The following LRRIQ1 variants were observed in gnomAD, a reference collection of about 807,000 sequenced individuals.
LRRIQ1 encodes the protein leucine-rich repeat- and IQ domain-containing protein 1.
Under a neutral mutation model 211.9 loss-of-function variants are expected in LRRIQ1, and 210 were observed. The observed-to-expected ratio is 0.99, with a 90% CI of 0.89 to 1.11. The LOEUF (loss-of-function observed/expected upper bound fraction) is 1.11, where lower values mean the gene tolerates loss of function less well. LRRIQ1 is among the 50% of genes most tolerant of loss of function. The probability of loss-of-function intolerance (pLI) is 0.00; values close to 1 mark genes in which losing one functional copy is unlikely to be tolerated. For missense variants in LRRIQ1, 2,136 were observed against 1,939.5 expected (o/e 1.10, Z -1.90); for synonymous variants, 699 against 650.1 (o/e 1.08, Z -1.14).
chr12:85,042,709 A>C (rs1592684962), intron 3 of LRRIQ1, among the ~76,000 whole-genome samples: 2 of 151,844 alleles, frequency 1.3e-5, no homozygotes, highest in East Asian at 3.9e-4. Flanking sequence ...CAAATTATCA[A>C]AATTATTTGA....
chr12:85,179,724 T>C (rs974385951), intron 24 of LRRIQ1, among the ~76,000 whole-genome samples: 2 of 151,972 alleles, frequency 1.3e-5, no homozygotes, highest in African/African-American at 2.4e-5. Context: ...TCATCACCTT[T>C]CCATCCGACA....
Position 85,198,123 on chromosome 12 carries a change from A to T in LRRIQ1, c.4823-31394A>T, listed in dbSNP as rs1473013773. On this transcript the variant is annotated intron_variant, in intron 24 of 26. Transcript: ENST00000393217. The stretch of plus-strand genomic sequence containing the variant: ...TTATATTATTTATATATAATATATA[A>T]TATATATTATATATAATATATTATA... Among the ~76,000 whole-genome samples the T allele has an allele frequency of 3.3e-5, 4 of 120,044 alleles. No homozygotes were observed. The Admixed American group carries it at 4.5e-4, about 14-fold the overall frequency. 78.8% of individuals were successfully genotyped at this position (120,044 alleles called of 152,430 possible).
At chr12:85,190,222 A>G (rs1016943140) in intron 24 of LRRIQ1, among the ~76,000 whole-genome samples, 3 of 144,602 alleles carry the variant, frequency 2.1e-5, no homozygotes, top group Non-Finnish European at 4.5e-5. Context: ...TTATAATTTT[A>G]TAATGATATA....
In LRRIQ1 at chr12:85,192,838, T is replaced by G. The variant is rs571446640; in HGVS notation, c.4822+32124T>G. ...TATAAATATATATAGTTATATACTA[T>G]AATTATATATAAATATATATAGTTA... On this transcript the variant is annotated intron_variant, in intron 24 of 26. Transcript: ENST00000393217. Among the ~76,000 whole-genome samples the G allele has an allele frequency of 1.6e-3, 163 of 103,170 alleles. 1 individual carries two copies. Among genetic ancestry groups the G allele is most frequent in the African/African-American group, 6.0e-3 (148 of 24,824 alleles). 67.7% of individuals were successfully genotyped at this position (103,170 alleles called of 152,430 possible). A position where few individuals can be genotyped will look rare whatever the true frequency, so the allele number is the denominator to read the frequency against.
chr12:85,054,787 T>C (rs1218091788), intron 7 of LRRIQ1, among the ~76,000 whole-genome samples: 3 of 151,992 alleles, frequency 2.0e-5, no homozygotes, highest in Non-Finnish European at 4.4e-5. Context: ...TTTATTTAAA[T>C]TTTTATCTAG....
intron 11 of LRRIQ1, among the ~76,000 whole-genome samples, chr12:85,086,935 C>CATTATTATT (rs202087547): frequency 0.053 from 7,885 of 149,152 alleles, 674 homozygotes; most frequent in African/African-American, 0.18. Flanking sequence ...GATTGTTCTT[C>CATTATTATT]ATTATTATTA....
intron 15 of LRRIQ1, among the ~76,000 whole-genome samples, chr12:85,118,744 A>G (rs182110994): frequency 1.3e-5 from 2 of 152,262 alleles, no homozygotes; most frequent in Admixed American, 6.5e-5. Context: ...AGACTATACA[A>G]TCTAGGTAGA....
At chr12:85,248,933 C>T (rs1250551671), downstream of LRRIQ1, among the ~76,000 whole-genome samples, 1 of 151,532 alleles carries the variant, frequency 6.6e-6, no homozygotes, top group Non-Finnish European at 1.5e-5. Flanking sequence ...AAAGAAGAAG[C>T]CCAGTTTTAA....
At position 85,055,458 on chromosome 12, in the gene LRRIQ1, A is replaced by T. The variant is rs941764681; in HGVS notation, c.754-89A>T. The T allele has an allele frequency of 4.7e-6, 5 of 1,062,512 alleles. No homozygotes were observed. The African/African-American group carries it at 8.3e-5, about 18-fold the overall frequency. The allele number at this position is 1,062,512 out of a possible 1,614,324, so 65.8% of individuals were successfully genotyped here. ...ACTTTATTAAGACTTCAGTTTTAGT[A>T]TTTGTTTTCAATCTACATTTCAGAT... On this transcript the variant is annotated intron_variant, in intron 7 of 26. Transcript: ENST00000393217.
At chr12:85,123,265 A>G (rs1361591326) in intron 16 of LRRIQ1, among the ~76,000 whole-genome samples, 1 of 152,050 alleles carries the variant, frequency 6.6e-6, no homozygotes, top group African/African-American at 2.4e-5. Context: ...GATGTGATTA[A>G]CATTTTATTT....
chr12:85,164,817 A>G (rs1380244564), intron 24 of LRRIQ1, among the ~76,000 whole-genome samples: 1 of 152,180 alleles, frequency 6.6e-6, no homozygotes, highest in African/African-American at 2.4e-5. Context: ...AACAAAATAC[A>G]AATGTTAGAG....
At chr12:85,206,563 A>T (rs940840291) in intron 24 of LRRIQ1, among the ~76,000 whole-genome samples, 5 of 152,074 alleles carry the variant, frequency 3.3e-5, no homozygotes, top group African/African-American at 1.2e-4. Flanking sequence ...CCACATGTTA[A>T]CCAGCAAAGC....
chr12:85,167,332 A>G (rs1329033545), intron 24 of LRRIQ1, among the ~76,000 whole-genome samples: 1 of 152,200 alleles, frequency 6.6e-6, no homozygotes, highest in Non-Finnish European at 1.5e-5. Flanking sequence ...TAACACGATC[A>G]CAGAGTGAAG....
At chr12:85,207,430 T>C (rs1893615134) in intron 24 of LRRIQ1, among the ~76,000 whole-genome samples, 1 of 152,244 alleles carries the variant, frequency 6.6e-6, no homozygotes, top group South Asian at 2.1e-4. Context: ...ATAACAGTCC[T>C]TTATCAGCTG....
intron 24 of LRRIQ1, among the ~76,000 whole-genome samples, chr12:85,196,226 A>T (rs1259215614): frequency 2.0e-5 from 3 of 152,120 alleles, no homozygotes. Context: ...AGGAAGAATC[A>T]ATATCGTGAA....
At position 85,099,115 on chromosome 12, in the gene LRRIQ1, A is replaced by G; in HGVS notation, c.3209+121A>G. 5.7e-6 allele frequency: 3 copies of G among 523,826 alleles called. No homozygotes were observed. The African/African-American group carries it at 5.9e-5, about 10-fold the overall frequency. The allele number at this position is 523,826 out of a possible 1,614,324, so 32.4% of individuals were successfully genotyped here. On this transcript the variant is annotated intron_variant, in intron 13 of 26. Transcript: ENST00000393217. Reference sequence around the variant, plus strand: ...ATTCAATGAGATTGCATCAAAATAAATTAGTATATAAATTATAAAAATAAC... The same window carrying G: ...ATTCAATGAGATTGCATCAAAATAAGTTAGTATATAAATTATAAAAATAAC...
At position 85,121,804 on chromosome 12, in the gene LRRIQ1, G is replaced by GT; in HGVS notation, c.3488dup (p.Leu1164ProfsTer16). On this transcript the variant is annotated frameshift_variant, in exon 16 of 27. Transcript: ENST00000393217. LOFTEE classifies it high-confidence loss of function. ...GAACACAATCAACTGGGATCAGCAG[G>GT]TTTCCTGGCACTTTGTCAGTCTCAG... 2 of 1,607,220 alleles carry GT rather than the reference G, an allele frequency of 1.2e-6. No homozygotes were observed. Among genetic ancestry groups the GT allele is most frequent in the Non-Finnish European group, 1.7e-6 (2 of 1,176,748 alleles).
chr12:85,182,551 A>G (rs1285094604), intron 24 of LRRIQ1, among the ~76,000 whole-genome samples: 1 of 152,118 alleles, frequency 6.6e-6, no homozygotes, highest in Non-Finnish European at 1.5e-5. Context: ...TTGAGATGTG[A>G]TGAAATGCTT....
chr12:85,113,266 T>A (rs989981789), intron 15 of LRRIQ1, among the ~76,000 whole-genome samples: 1 of 152,156 alleles, frequency 6.6e-6, no homozygotes, highest in Non-Finnish European at 1.5e-5. Context: ...TTTATTTTTT[T>A]AAAGGACATA....
Sources: gnomAD v4.1 joint callset for allele counts (sites outside exome capture counted in the v4.1 genomes callset) on GRCh38, gnomAD v4.1.1 for gene constraint, MANE v1.5 for transcripts, NCBI Gene and HGNC (gene_info 2026-07-23, HGNC 2026-07-21) for gene names.